MRPL1: variants seen among roughly 807,000 people sequenced by gnomAD.
MRPL1 encodes mitochondrial ribosomal protein L1.
In MRPL1, 28 loss-of-function variants were observed where a neutral mutation model predicts 38.0. The ratio of observed to expected loss-of-function variants is 0.74; its 90% CI spans 0.55 to 1.01. The LOEUF (loss-of-function observed/expected upper bound fraction) is 1.01, where lower values mean the gene tolerates loss of function less well. Among genes scored for constraint, MRPL1 ranks in the 50% least tolerant of loss-of-function variants. MRPL1 has a pLI of 0.00. For synonymous variants in MRPL1, 123 were observed against 126.7 expected (o/e 0.97, Z 0.20); for missense variants, 358 against 389.8 (o/e 0.92, Z 0.69).
intron 7 of MRPL1, among the ~76,000 whole-genome samples, chr4:77,928,079 T>TTTGTGTGC (rs1416368776): frequency 6.6e-6 from 1 of 152,202 alleles, no homozygotes; most frequent in Non-Finnish European, 1.5e-5. Flanking sequence ...TGAGTATCAT[T>TTTGTGTGC]TTGTGTGCTT....
intron 1 of MRPL1, 111 bp downstream of exon 1, chr4:77,862,990 T>G: frequency 7.3e-7 from 1 of 1,376,854 alleles, no homozygotes; most frequent in South Asian, 1.2e-5. Flanking sequence ...TCGTGCTGTT[T>G]CTGGTCTCTA....
chr4:77,901,084 A>G (rs559598350), intron 6 of MRPL1, among the ~76,000 whole-genome samples: 139 of 152,196 alleles, frequency 9.1e-4, no homozygotes, highest in Non-Finnish European at 1.8e-3. Context: ...ATGCACAGGA[A>G]GTAAAGCAGA....
chr4:77,930,951 G>A (rs1473480449), intron 7 of MRPL1, among the ~76,000 whole-genome samples: 20 of 152,176 alleles, frequency 1.3e-4, no homozygotes, highest in Admixed American at 2.6e-4. Flanking sequence ...ACTCAATGAC[G>A]AGACAGCAGA....
At chr4:77,869,682 C>T (rs1187190682) in intron 1 of MRPL1, among the ~76,000 whole-genome samples, 3 of 152,150 alleles carry the variant, frequency 2.0e-5, no homozygotes, top group South Asian at 2.1e-4. Context: ...CTCTGCCATC[C>T]AGGTTCAAGC....
intron 2 of MRPL1, among the ~76,000 whole-genome samples, chr4:77,875,145 G>C (rs1560459638): frequency 6.6e-6 from 1 of 151,760 alleles, no homozygotes; most frequent in Non-Finnish European, 1.5e-5. Context: ...ATTTTTTGTT[G>C]TTATTGATAT....
chr4:77,865,081 G>A (rs1735098299), intron 1 of MRPL1, among the ~76,000 whole-genome samples: 1 of 151,538 alleles, frequency 6.6e-6, no homozygotes, highest in African/African-American at 2.4e-5. Flanking sequence ...GTAGAGGTGG[G>A]GTTTCACCAT....
chr4:77,888,110 T>C (rs1380458676), intron 5 of MRPL1, among the ~76,000 whole-genome samples: 1 of 152,224 alleles, frequency 6.6e-6, no homozygotes, highest in Non-Finnish European at 1.5e-5. Flanking sequence ...TCTATAATGT[T>C]GGTGCTTTTG....
intron 2 of MRPL1, among the ~76,000 whole-genome samples, chr4:77,874,238 G>A (rs1282821990): frequency 6.6e-6 from 1 of 152,034 alleles, no homozygotes; most frequent in African/African-American, 2.4e-5. Context: ...TGCCCGCCTT[G>A]GCCTCCCAAA....
intron 5 of MRPL1, among the ~76,000 whole-genome samples, chr4:77,888,365 C>T (rs1054499001): frequency 3.3e-5 from 5 of 152,024 alleles, no homozygotes; most frequent in Admixed American, 2.6e-4. Flanking sequence ...ATTAGCCAGG[C>T]GTGGTGGCAC....
intron 2 of MRPL1, among the ~76,000 whole-genome samples, chr4:77,877,956 C>CT (rs1234135873): frequency 1.3e-5 from 2 of 152,086 alleles, no homozygotes; most frequent in African/African-American, 4.8e-5. Context: ...CCAGTCTTTC[C>CT]TGGGAGCACC....
At chr4:77,940,618 G>A (rs1169209200) in intron 7 of MRPL1, among the ~76,000 whole-genome samples, 1 of 152,138 alleles carries the variant, frequency 6.6e-6, no homozygotes, top group African/African-American at 2.4e-5. Context: ...TCCTTGTCTT[G>A]TTCCAGTTCT....
chr4:77,872,756 G>A (rs1560459052), intron 2 of MRPL1, among the ~76,000 whole-genome samples: 1 of 152,124 alleles, frequency 6.6e-6, no homozygotes, highest in Non-Finnish European at 1.5e-5. Context: ...CCAGCCACTC[G>A]GGAGGCTGAG....
At position 77,948,541 on chromosome 4, in the gene MRPL1, A is replaced by G. The variant is rs188530623; in HGVS notation, c.778-1256A>G. 1.8e-4 allele frequency among the ~76,000 whole-genome samples: 28 copies of G among 152,198 alleles called. No individual in the cohort carries two copies. The East Asian group carries it at 5.4e-3, about 29-fold the overall frequency. ...CCTGCAGTAATGTCCAACCTTTCTC[A>G]TTTAGGATTTGGTACTGCATCATGC... On this transcript the variant is annotated intron_variant, in intron 7 of 8. Coordinates refer to ENST00000315567, the MANE Select transcript of MRPL1 (RefSeq NM_020236.4).
At chr4:77,921,051 G>A (rs1025727870) in intron 7 of MRPL1, among the ~76,000 whole-genome samples, 1 of 152,128 alleles carries the variant, frequency 6.6e-6, no homozygotes, top group African/African-American at 2.4e-5. Context: ...GAGCCACTGC[G>A]CCCGGCCCCA....
intron 7 of MRPL1, among the ~76,000 whole-genome samples, chr4:77,941,252 C>G (rs1362372311): frequency 7.0e-6 from 1 of 143,504 alleles, no homozygotes; most frequent in Non-Finnish European, 1.5e-5. Context: ...GTAAAAAGAG[C>G]AAAACTCTGC....
At chr4:77,948,519 G>A in intron 7 of MRPL1, among the ~76,000 whole-genome samples, 1 of 152,102 alleles carries the variant, frequency 6.6e-6, no homozygotes, top group East Asian at 1.9e-4. Context: ...GAGAATTCCT[G>A]CAGTAATGTC....
In MRPL1 at chr4:77,936,546, C is replaced by A. The variant is rs1189516562; in HGVS notation, c.778-13251C>A. Among the ~76,000 whole-genome samples the A allele has an allele frequency of 2.0e-5, 3 of 152,312 alleles. No homozygotes were observed. In the South Asian group the frequency reaches 6.2e-4, roughly 32 times the overall value. ...TCAGCAAACCAAATCCAGCTCTCCA[C>A]CTGTTTTTGTAGAGAAAGTTTTGTT... On this transcript the variant is annotated intron_variant, in intron 7 of 8. Transcript: ENST00000315567.
chr4:77,917,189 T>C (rs922799627), intron 7 of MRPL1, among the ~76,000 whole-genome samples: 1 of 152,154 alleles, frequency 6.6e-6, no homozygotes, highest in African/African-American at 2.4e-5. Flanking sequence ...CCACTCTTAT[T>C]CTCCACAACT....
At chr4:77,894,378 C>T (rs1188453240) in intron 6 of MRPL1, 128 bp downstream of exon 6, 5 of 559,884 alleles carry the variant, frequency 8.9e-6, no homozygotes, top group South Asian at 5.6e-5. Flanking sequence ...GTTTGAGTTA[C>T]GAGAACCTAC....
Sources: gnomAD v4.1 joint callset for allele counts (sites outside exome capture counted in the v4.1 genomes callset) on GRCh38, gnomAD v4.1.1 for gene constraint, MANE v1.5 for transcripts, NCBI Gene and HGNC (gene_info 2026-07-23, HGNC 2026-07-21) for gene names.